Variants in TSPAN9 observed in about 807,000 individuals in gnomAD.
The protein encoded by TSPAN9 is tetraspanin 9.
Under a neutral mutation model 31.0 loss-of-function variants are expected in TSPAN9, and 16 were observed. That is an observed-to-expected ratio of 0.52 (90% confidence interval 0.35 to 0.78). TSPAN9 has a LOEUF of 0.78. TSPAN9 is among the 30% of genes least tolerant of loss of function. TSPAN9 has a pLI of 0.01. For missense variants in TSPAN9, 272 were observed against 312.5 expected (o/e 0.87, Z 0.98); for synonymous variants, 145 against 121.6 (o/e 1.19, Z -1.27).
At chr12:3,237,451 T>C (rs2098394402) in intron 3 of TSPAN9, among the ~76,000 whole-genome samples, 1 of 152,204 alleles carries the variant, frequency 6.6e-6, no homozygotes, top group Admixed American at 6.5e-5. Context: ...CAGAACAGAG[T>C]GTCCCTCTGG....
chr12:3,110,200 T>C (rs1172372444), intron 2 of TSPAN9, among the ~76,000 whole-genome samples: 1 of 151,958 alleles, frequency 6.6e-6, no homozygotes, highest in Admixed American at 6.6e-5. Context: ...CCAGGGAAGA[T>C]AGGGTGTTAG....
rs1297073888 is a variant in TSPAN9, at chr12:3,286,466, C to T, written c.*3350C>T. 3 of 152,574 alleles carry T rather than the reference C, an allele frequency of 2.0e-5. No homozygotes were observed. Among genetic ancestry groups the T allele is most frequent in the Admixed American group, 6.6e-5 (1 of 15,266 alleles). 9.5% of individuals were successfully genotyped at this position (152,574 alleles called of 1,614,324 possible). A position where few individuals can be genotyped will look rare whatever the true frequency, so the allele number is the denominator to read the frequency against. On this transcript the variant is annotated 3_prime_UTR_variant, in exon 9 of 9. Transcript: ENST00000011898. This position sits in a 1 kb window ranked among gnomAD's most constrained non-coding sequence, Gnocchi z 4.1. Reference sequence around the variant, plus strand: ...CAGATGCACTTTCTGCTTGCATTGCCGTATCTGTGCGTTCCTTCATCCTGG... The same window carrying T: ...CAGATGCACTTTCTGCTTGCATTGCTGTATCTGTGCGTTCCTTCATCCTGG...
intron 2 of TSPAN9, chr12:3,171,988 GT>G (rs1441960558): frequency 6.6e-6 from 1 of 152,230 alleles, no homozygotes; most frequent in African/African-American, 2.4e-5. Context: ...ACGCTTCATG[GT>G]CCCCACGGTG....
intron 2 of TSPAN9, among the ~76,000 whole-genome samples, chr12:3,141,123 G>A (rs796541762): frequency 1.3e-5 from 2 of 152,120 alleles, no homozygotes; most frequent in African/African-American, 4.8e-5. Context: ...AGAGGTTTGA[G>A]TTTTGCCTTT....
At chr12:3,234,814 G>A (rs1484170958) in intron 3 of TSPAN9, among the ~76,000 whole-genome samples, 1 of 152,070 alleles carries the variant, frequency 6.6e-6, no homozygotes, top group Non-Finnish European at 1.5e-5. Flanking sequence ...GCAGCAGAAG[G>A]CAGTAGTAAA....
At chr12:3,109,155 C>T (rs747349766) in intron 2 of TSPAN9, among the ~76,000 whole-genome samples, 15 of 151,974 alleles carry the variant, frequency 9.9e-5, no homozygotes, top group East Asian at 2.0e-4. Flanking sequence ...CCAGGATGGT[C>T]TCGATCTCCT....
chr12:3,217,163 C>T (rs1001300037), intron 3 of TSPAN9, among the ~76,000 whole-genome samples: 2 of 152,234 alleles, frequency 1.3e-5, no homozygotes, highest in African/African-American at 2.4e-5. Context: ...GCTCTCTTCA[C>T]GTCACTGTAT....
chr12:3,105,794 ACG>A lies in TSPAN9; in HGVS notation c.-18+22077_-18+22078del, dbSNP rs2153964797. 2.0e-5 allele frequency among the ~76,000 whole-genome samples: 3 copies of A among 151,058 alleles called. No homozygotes were observed. In the South Asian group the frequency reaches 6.3e-4, roughly 32 times the overall value. On this transcript the variant is annotated intron_variant, in intron 2 of 8. Transcript: ENST00000011898. ...CACGCACACACGCTCATACACACTC[ACG>A]CACACATGCGCACACACGCACACGC...
intron 3 of TSPAN9, among the ~76,000 whole-genome samples, chr12:3,244,816 C>T (rs554590185): frequency 7.2e-5 from 11 of 152,250 alleles, no homozygotes; most frequent in East Asian, 1.9e-4. Flanking sequence ...CAGCCAGGTT[C>T]GGTGGAGTCG....
Position 3,191,715 on chromosome 12 carries a change from AGTACTGG to A in TSPAN9, c.-17-9452_-17-9446del, listed in dbSNP as rs887918058. Among the ~76,000 whole-genome samples the A allele has an allele frequency of 7.2e-5, 11 of 152,316 alleles. No individual in the cohort carries two copies. In the East Asian group the frequency reaches 1.9e-3, roughly 27 times the overall value. The stretch of plus-strand genomic sequence containing the variant: ...TGGGCCCCTAATGTAGGTCAGGAAT[AGTACTGG>A]GTACTGGGTGTAAAGCAGTGAGGGA... On this transcript the variant is annotated intron_variant, in intron 2 of 8. Transcript: ENST00000011898.
In TSPAN9 at chr12:3,280,595, G is replaced by C; in HGVS notation, c.432+112G>C. 1.0e-6 allele frequency: 1 copy of C among 998,918 alleles called. No homozygotes were observed. The highest frequency in any genetic ancestry group is 1.5e-6 in the Non-Finnish European group (1 of 669,786). The allele number at this position is 998,918 out of a possible 1,614,324, so 61.9% of individuals were successfully genotyped here. On this transcript the variant is annotated intron_variant, in intron 6 of 8. Coordinates refer to ENST00000011898, the MANE Select transcript of TSPAN9 (RefSeq NM_006675.5). The surrounding 1 kb of genome is among the most constrained non-coding windows in gnomAD (Gnocchi z 4.5). ...GGGCACCTGTGCTTTCTGGATTTTAGCCGGGAGTGGAGTGGTACCCACGGG... is the reference window on the plus strand; with the variant it reads ...GGGCACCTGTGCTTTCTGGATTTTACCCGGGAGTGGAGTGGTACCCACGGG...
chr12:3,164,536 G>T (rs943773700), intron 2 of TSPAN9, among the ~76,000 whole-genome samples: 2 of 152,180 alleles, frequency 1.3e-5, no homozygotes, highest in Admixed American at 6.5e-5. Flanking sequence ...TCCTCTCCCT[G>T]GCCCTTGCAC....
chr12:3,190,035 G>C (rs947563212), intron 2 of TSPAN9, among the ~76,000 whole-genome samples: 1 of 152,174 alleles, frequency 6.6e-6, no homozygotes, highest in Non-Finnish European at 1.5e-5. Flanking sequence ...TGGAATCTGG[G>C]GCGCTGGTTC....
At chr12:3,178,799 G>A (rs1447410608) in intron 2 of TSPAN9, among the ~76,000 whole-genome samples, 3 of 152,202 alleles carry the variant, frequency 2.0e-5, no homozygotes, top group African/African-American at 7.2e-5. Flanking sequence ...ACTTGCCCTT[G>A]GCTGTGTGGT....
intron 2 of TSPAN9, among the ~76,000 whole-genome samples, chr12:3,090,392 C>T (rs764992204): frequency 2.6e-5 from 4 of 152,188 alleles, no homozygotes; most frequent in South Asian, 4.1e-4. Context: ...CTTATTAATG[C>T]GGTAGCAGTC....
At position 3,148,151 on chromosome 12, in the gene TSPAN9, A is replaced by C. The variant is rs538929438; in HGVS notation, c.-17-53026A>C. On this transcript the variant is annotated intron_variant, in intron 2 of 8. Transcript: ENST00000011898. ...TTGGCTAAAGCACTGTATGGATTCTATAGGGGCTGGAGGAGACCTGAGGCA... is the reference window on the plus strand; with the variant it reads ...TTGGCTAAAGCACTGTATGGATTCTCTAGGGGCTGGAGGAGACCTGAGGCA... 2.0e-5 allele frequency among the ~76,000 whole-genome samples: 3 copies of C among 152,318 alleles called. No individual in the cohort carries two copies. The East Asian group carries it at 5.8e-4, about 29-fold the overall frequency.
At chr12:3,248,631 T>A (rs960094639) in intron 3 of TSPAN9, among the ~76,000 whole-genome samples, 1 of 139,316 alleles carries the variant, frequency 7.2e-6, no homozygotes, top group Admixed American at 7.2e-5. Flanking sequence ...GGAGGTGGAA[T>A]AGATCATATT....
intron 2 of TSPAN9, among the ~76,000 whole-genome samples, chr12:3,152,048 G>A (rs761384645): frequency 9.2e-5 from 14 of 152,230 alleles, no homozygotes; most frequent in Non-Finnish European, 1.6e-4. Context: ...GCTGCTTGGC[G>A]CAGACAACTC....
rs1208444227 is a variant in TSPAN9, at chr12:3,283,159, G to T, written c.*43G>T. On this transcript the variant is annotated 3_prime_UTR_variant, in exon 9 of 9. Transcript: ENST00000011898. ...GCCCACCCCGCCCTGCTGCCCTGTGGAGGGAAGAGGATTGAGCTTTGTGTC... is the reference window on the plus strand; with the variant it reads ...GCCCACCCCGCCCTGCTGCCCTGTGTAGGGAAGAGGATTGAGCTTTGTGTC... 6.3e-7 allele frequency: 1 copy of T among 1,594,968 alleles called. No homozygotes were observed. The highest frequency in any genetic ancestry group is 1.3e-5 in the African/African-American group (1 of 74,888).
Sources: allele counts gnomAD v4.1 joint callset (sites outside exome capture counted in the v4.1 genomes callset), GRCh38; gene constraint gnomAD v4.1.1; non-coding constraint Gnocchi (gnomAD v3.1); transcripts MANE v1.5; gene names NCBI Gene and HGNC (gene_info 2026-07-23, HGNC 2026-07-21).